ARHGAP42: variants seen among roughly 807,000 people sequenced by gnomAD.
The protein encoded by ARHGAP42 is Rho GTPase activating protein 42, also known as rho GTPase-activating protein 42.
Under a neutral mutation model 125.0 loss-of-function variants are expected in ARHGAP42, and 63 were observed. The ratio of observed to expected loss-of-function variants is 0.50; its 90% CI spans 0.41 to 0.62. The LOEUF (loss-of-function observed/expected upper bound fraction) is 0.62. Ranked by LOEUF, ARHGAP42 falls within the 20% of genes least tolerant of loss-of-function variation. The pLI is 0.00. For synonymous variants in ARHGAP42, 339 were observed against 351.0 expected (o/e 0.97, Z 0.38); for missense variants, 766 against 1,024.2 (o/e 0.75, Z 3.44).
At chr11:100,843,978 C>T (rs1591230909) in intron 3 of ARHGAP42, among the ~76,000 whole-genome samples, 1 of 152,144 alleles carries the variant, frequency 6.6e-6, no homozygotes, top group East Asian at 1.9e-4. Flanking sequence ...AAAAAAATAG[C>T]CTGCATAGCC....
intron 4 of ARHGAP42, among the ~76,000 whole-genome samples, chr11:100,909,792 T>A (rs1866860942): frequency 6.6e-6 from 1 of 152,232 alleles, no homozygotes; most frequent in South Asian, 2.1e-4. Flanking sequence ...GGGTGTCCTT[T>A]CCCTATTATA....
At position 100,823,949 on chromosome 11, in the gene ARHGAP42, T is replaced by C. The variant is rs997525515; in HGVS notation, c.312+28783T>C. On this transcript the variant is annotated intron_variant, in intron 3 of 23. Coordinates refer to ENST00000298815, the MANE Select transcript of ARHGAP42 (RefSeq NM_152432.4). ...TTGAGGATATTTGAAAAGAATGTGC[T>C]ATTCTGACAGATTTCAAAAGTAAAA... is the stretch of plus-strand genomic sequence containing the variant. Among the ~76,000 whole-genome samples, 8 of 152,346 alleles carry C rather than the reference T, an allele frequency of 5.3e-5. 1 individual carries two copies. The South Asian group carries it at 1.7e-3, about 32-fold the overall frequency.
At chr11:100,748,339 C>G (rs372295279) in intron 1 of ARHGAP42, among the ~76,000 whole-genome samples, 25 of 152,320 alleles carry the variant, frequency 1.6e-4, no homozygotes, top group African/African-American at 6.0e-4. Context: ...TTCCATATCA[C>G]TCTCTGAATA....
At chr11:100,815,145 G>A (rs1458205503) in intron 3 of ARHGAP42, among the ~76,000 whole-genome samples, 14 of 152,138 alleles carry the variant, frequency 9.2e-5, no homozygotes, top group Admixed American at 9.2e-4. Context: ...TCTTTCAGCA[G>A]GACCCAAAAT....
chr11:100,949,919 T>C lies in ARHGAP42; in HGVS notation c.1125T>C (p.Ile375=). The C allele has an allele frequency of 6.8e-7, 1 of 1,476,216 alleles. No individual in the cohort carries two copies. The highest frequency in any genetic ancestry group is 2.5e-5 in the East Asian group (1 of 39,856). The allele number at this position is 1,476,216 out of a possible 1,614,324, so 91.4% of individuals were successfully genotyped here. A position where few individuals can be genotyped will look rare whatever the true frequency, so the allele number is the denominator to read the frequency against. The change falls in exon 12 of 24, where the codon ATT becomes ATC. Residue 375 remains isoleucine, a splice_region_variant and synonymous_variant. Coordinates refer to ENST00000298815, the MANE Select transcript of ARHGAP42 (RefSeq NM_152432.4). The part of the protein sequence containing the change: ...WLEAMDGKEP[I]YTLPAIISKK... ...AATGGACATCCTTTGTTTTTTAGAT[T>C]TATACTCTGCCTGCCATTATAAGCA...
intron 1 of ARHGAP42, among the ~76,000 whole-genome samples, chr11:100,692,401 T>C (rs1387685878): frequency 6.6e-6 from 1 of 152,184 alleles, no homozygotes; most frequent in Non-Finnish European, 1.5e-5. Flanking sequence ...GTCAGCAACA[T>C]TTAGTTAATC....
chr11:100,809,686 G>C (rs748071981), intron 3 of ARHGAP42, among the ~76,000 whole-genome samples: 1 of 152,228 alleles, frequency 6.6e-6, no homozygotes, highest in Non-Finnish European at 1.5e-5. Context: ...TGGGTGTGCT[G>C]TGTTACTCCT....
intron 4 of ARHGAP42, among the ~76,000 whole-genome samples, chr11:100,891,797 A>T (rs1019681608): frequency 6.6e-6 from 1 of 152,296 alleles, no homozygotes; most frequent in African/African-American, 2.4e-5. Flanking sequence ...TGTCTGTGCC[A>T]TAGTAAATGC....
At chr11:100,927,750 C>G (rs1867466429) in intron 6 of ARHGAP42, among the ~76,000 whole-genome samples, 1 of 152,182 alleles carries the variant, frequency 6.6e-6, no homozygotes, top group Non-Finnish European at 1.5e-5. Flanking sequence ...CTCTTGAATG[C>G]TTACAAATCC....
At chr11:100,796,768 CTTTTT>C (rs35175302) in intron 3 of ARHGAP42, among the ~76,000 whole-genome samples, 1 of 119,012 alleles carries the variant, frequency 8.4e-6, no homozygotes, top group Non-Finnish European at 1.7e-5. Context: ...CTTTTTAATT[CTTTTT>C]TTTTTTTTTT....
At chr11:100,751,153 A>G (rs1591150588) in intron 1 of ARHGAP42, among the ~76,000 whole-genome samples, 1 of 151,758 alleles carries the variant, frequency 6.6e-6, no homozygotes. Context: ...TGGCCAGGCT[A>G]GTCTTGAACT....
intron 1 of ARHGAP42, among the ~76,000 whole-genome samples, chr11:100,689,593 G>A (rs1231827632): frequency 6.6e-6 from 1 of 152,180 alleles, no homozygotes. Context: ...CATCATTATA[G>A]TTTTGTTCTT....
At chr11:100,873,576 A>G (rs1865746385) in intron 4 of ARHGAP42, among the ~76,000 whole-genome samples, 1 of 152,190 alleles carries the variant, frequency 6.6e-6, no homozygotes, top group Non-Finnish European at 1.5e-5. Flanking sequence ...AGAATAATGG[A>G]GAGTTTTGTG....
At chr11:100,965,039 G>A (rs991692781) in intron 16 of ARHGAP42, among the ~76,000 whole-genome samples, 3 of 152,118 alleles carry the variant, frequency 2.0e-5, no homozygotes, top group African/African-American at 4.8e-5. Flanking sequence ...CATGGTGGAA[G>A]GTGCCTCCTC....
chr11:100,959,058 GA>G (rs1470420127), intron 12 of ARHGAP42, among the ~76,000 whole-genome samples: 3 of 128,338 alleles, frequency 2.3e-5, no homozygotes, highest in Non-Finnish European at 3.3e-5. Context: ...TTTATTATTT[GA>G]GAATATTTTA....
intron 3 of ARHGAP42, among the ~76,000 whole-genome samples, chr11:100,858,075 A>G (rs528343753): frequency 9.0e-6 from 1 of 110,766 alleles, no homozygotes; most frequent in East Asian, 2.9e-4. Context: ...CATCTGTACA[A>G]TCTGGATAGG....
intron 1 of ARHGAP42, among the ~76,000 whole-genome samples, chr11:100,699,750 G>A (rs1012930351): frequency 3.3e-5 from 5 of 151,496 alleles, no homozygotes; most frequent in Middle Eastern, 6.8e-3. Context: ...CTCTAACTCC[G>A]GACCTGAGGT....
At chr11:100,766,818 T>C (rs1862840793) in intron 1 of ARHGAP42, among the ~76,000 whole-genome samples, 1 of 152,188 alleles carries the variant, frequency 6.6e-6, no homozygotes, top group Non-Finnish European at 1.5e-5. Flanking sequence ...ACACTTGAAG[T>C]TGAAAATGTG....
chr11:100,859,662 C>T, intron 4 of ARHGAP42, 37 bp downstream of exon 4: 1 of 1,337,744 alleles, frequency 7.5e-7, no homozygotes, highest in Non-Finnish European at 1.0e-6. Context: ...AGTTATTCTC[C>T]TGATAATTAA....
Sources: gnomAD v4.1 joint callset for allele counts (sites outside exome capture counted in the v4.1 genomes callset) on GRCh38, gnomAD v4.1.1 for gene constraint, MANE v1.5 for transcripts, NCBI Gene and HGNC (gene_info 2026-07-23, HGNC 2026-07-21) for gene names.